The following FRMD4A variants were observed in gnomAD, a reference collection of about 807,000 sequenced individuals.
FRMD4A encodes the protein FERM domain containing 4A, also known as FERM domain-containing protein 4A.
In FRMD4A, 29 loss-of-function variants were observed where a neutral mutation model predicts 129.1. The ratio of observed to expected loss-of-function variants is 0.22; its 90% CI spans 0.17 to 0.31. The LOEUF is 0.31. Ranked by LOEUF, FRMD4A falls within the 10% of genes least tolerant of loss-of-function variation. The pLI is 1.00. For missense variants in FRMD4A, 1,272 were observed against 1,375.8 expected, an observed-to-expected ratio of 0.92 and a Z score of 1.19; for synonymous variants, 634 against 571.6, an observed-to-expected ratio of 1.11 and a Z score of -1.56.
At chr10:14,284,607 C>T (rs181668365) in intron 2 of FRMD4A, among the ~76,000 whole-genome samples, 21 of 152,276 alleles carry the variant, frequency 1.4e-4, no homozygotes, top group South Asian at 6.2e-4. Context: ...GAGTCGAGAT[C>T]GCGCCACTGC....
intron 2 of FRMD4A, among the ~76,000 whole-genome samples, chr10:13,949,440 A>T (rs1054410704): frequency 3.9e-5 from 6 of 152,192 alleles, no homozygotes; most frequent in African/African-American, 1.2e-4. Context: ...GAATTTATAC[A>T]TGACTTCAAG....
intron 2 of FRMD4A, among the ~76,000 whole-genome samples, chr10:13,932,421 C>G (rs2095209273): frequency 6.6e-6 from 1 of 152,164 alleles, no homozygotes; most frequent in African/African-American, 2.4e-5. Context: ...TGGACAAACT[C>G]CAGGTTTCCA....
chr10:13,844,310 G>T (rs2094012108), intron 3 of FRMD4A, among the ~76,000 whole-genome samples: 1 of 152,042 alleles, frequency 6.6e-6, no homozygotes, highest in Admixed American at 6.6e-5. Context: ...GAAAATCGGT[G>T]ATTTACCCAC....
intron 2 of FRMD4A, among the ~76,000 whole-genome samples, chr10:13,872,198 G>T (rs994357631): frequency 2.0e-5 from 3 of 152,204 alleles, no homozygotes; most frequent in South Asian, 4.1e-4. Context: ...GGCGCTGCAG[G>T]TCTCTGTCCC....
At chr10:13,910,229 T>G (rs2094927379) in intron 2 of FRMD4A, among the ~76,000 whole-genome samples, 1 of 152,262 alleles carries the variant, frequency 6.6e-6, no homozygotes, top group Non-Finnish European at 1.5e-5. Context: ...AGGACTTTGA[T>G]GCTTCAATTT....
chr10:14,252,523 T>C (rs1269300002), intron 2 of FRMD4A, among the ~76,000 whole-genome samples: 1 of 152,236 alleles, frequency 6.6e-6, no homozygotes, highest in Non-Finnish European at 1.5e-5. Flanking sequence ...TGCCTCAATT[T>C]GGGGTTGTCC....
chr10:14,207,529 G>T (rs1732692304), intron 2 of FRMD4A, among the ~76,000 whole-genome samples: 1 of 151,982 alleles, frequency 6.6e-6, no homozygotes. Context: ...TTTAACACAG[G>T]CCCCAGTCTT....
intron 12 of FRMD4A, chr10:13,727,710 G>A (rs2090002794): frequency 1.3e-5 from 2 of 152,244 alleles, no homozygotes. Flanking sequence ...AACGGCCCTA[G>A]CTCTGAGAGA....
chr10:14,034,634 T>C (rs1833412180), intron 2 of FRMD4A, among the ~76,000 whole-genome samples: 1 of 152,222 alleles, frequency 6.6e-6, no homozygotes. Context: ...GGTCTCTACC[T>C]GCACTTTACA....
chr10:14,185,619 T>TAGAGAGACAGAAAGGGG (rs1842094539), intron 2 of FRMD4A, among the ~76,000 whole-genome samples: 1 of 80,200 alleles, frequency 1.2e-5, no homozygotes, highest in African/African-American at 4.5e-5. Flanking sequence ...AGAAAGGGGA[T>TAGAGAGACAGAAAGGGG]ATATACTTCA....
At chr10:14,192,308 A>T (rs1842342829) in intron 2 of FRMD4A, among the ~76,000 whole-genome samples, 2 of 152,254 alleles carry the variant, frequency 1.3e-5, no homozygotes, top group African/African-American at 4.8e-5. Context: ...ATCCACACAC[A>T]CCTGTTTTGC....
chr10:14,090,492 C>A (rs1440368916), intron 2 of FRMD4A, among the ~76,000 whole-genome samples: 1 of 152,138 alleles, frequency 6.6e-6, no homozygotes, highest in South Asian at 2.1e-4. Context: ...TTTGCAGGCA[C>A]CTGAGTGAAG....
intron 2 of FRMD4A, chr10:13,972,128 G>A: frequency 9.3e-7 from 1 of 1,076,810 alleles, no homozygotes; most frequent in Non-Finnish European, 1.1e-6. Context: ...CTGTTTCTCA[G>A]TGGACTGAGG....
At chr10:14,281,183 G>T (rs1389308666) in intron 2 of FRMD4A, among the ~76,000 whole-genome samples, 1 of 151,622 alleles carries the variant, frequency 6.6e-6, no homozygotes, top group Non-Finnish European at 1.5e-5. Context: ...GTAGAAGCAG[G>T]GTTTCTCCGT....
chr10:14,146,621 C>T (rs1196478061), intron 2 of FRMD4A, among the ~76,000 whole-genome samples: 2 of 151,996 alleles, frequency 1.3e-5, no homozygotes, highest in Non-Finnish European at 2.9e-5. Context: ...CCTCCCAGAA[C>T]TGCCTGACTT....
At chr10:14,157,451 G>C (rs1484017042) in intron 2 of FRMD4A, among the ~76,000 whole-genome samples, 1 of 152,186 alleles carries the variant, frequency 6.6e-6, no homozygotes, top group Non-Finnish European at 1.5e-5. Flanking sequence ...ATATCCCTTA[G>C]TGGCTGTTGA....
At chr10:14,235,847 A>G (rs998419373) in intron 2 of FRMD4A, among the ~76,000 whole-genome samples, 1 of 152,230 alleles carries the variant, frequency 6.6e-6, no homozygotes, top group African/African-American at 2.4e-5. Flanking sequence ...AGTGCTGTAT[A>G]GAATTAAGCA....
chr10:13,729,132 C>CGCCCAAGGCCAGGGTCTGTCACCCACAG (rs141124690), intron 12 of FRMD4A, among the ~76,000 whole-genome samples: 111,899 of 151,672 alleles, frequency 0.74, 42,024 homozygotes, highest in South Asian at 0.82. Context: ...GGTCTCTAGA[C>CGCCCAAGGCCAGGGTCTGTCACCCACAG]GCATGGAAAG....
At chr10:13,824,621 G>A (rs553932181) in intron 3 of FRMD4A, among the ~76,000 whole-genome samples, 257 of 152,100 alleles carry the variant, frequency 1.7e-3, no homozygotes, top group African/African-American at 5.8e-3. Flanking sequence ...AGCTGGGTAC[G>A]GTGGCTCACA....
Sources: gnomAD v4.1 joint callset for allele counts (sites outside exome capture counted in the v4.1 genomes callset) on GRCh38, gnomAD v4.1.1 for gene constraint, MANE v1.5 for transcripts, NCBI Gene and HGNC (gene_info 2026-07-23, HGNC 2026-07-21) for gene names.